PPP1R9A: variants seen among roughly 807,000 people sequenced by gnomAD.
PPP1R9A encodes the protein neurabin-1.
Under a neutral mutation model 141.9 loss-of-function variants are expected in PPP1R9A, and 59 were observed. The observed-to-expected ratio is 0.42, with a 90% confidence interval of 0.34 to 0.52. The LOEUF is 0.52. PPP1R9A is among the 20% of genes least tolerant of loss of function. The pLI is 0.10. For missense variants in PPP1R9A, 1,444 were observed against 1,611.9 expected (o/e 0.90, Z 1.78); for synonymous variants, 500 against 569.7 (o/e 0.88, Z 1.74).
chr7:94,961,913 T>C (rs1457413674), intron 2 of PPP1R9A, among the ~76,000 whole-genome samples: 1 of 151,952 alleles, frequency 6.6e-6, no homozygotes, highest in Non-Finnish European at 1.5e-5. Flanking sequence ...GACTATTTTA[T>C]AAATATTTCA....
intron 2 of PPP1R9A, among the ~76,000 whole-genome samples, chr7:94,942,846 TAAATAAATA>T (rs1191617953): frequency 1.4e-5 from 2 of 145,402 alleles, no homozygotes; most frequent in Admixed American, 1.4e-4. Context: ...AATAAATAAA[TAAATAAATA>T]AAAGTTTGCC....
chr7:95,082,725 G>A (rs892350779), intron 2 of PPP1R9A, among the ~76,000 whole-genome samples: 2 of 147,946 alleles, frequency 1.4e-5, no homozygotes, highest in African/African-American at 5.0e-5. Context: ...GGGTGATCCT[G>A]TCTCTTAAAA....
chr7:95,253,391 G>A (rs748302931), intron 12 of PPP1R9A, among the ~76,000 whole-genome samples: 2 of 152,114 alleles, frequency 1.3e-5, no homozygotes, highest in Admixed American at 6.6e-5. Flanking sequence ...TAAGCTCTTA[G>A]CCATTAAAAA....
chr7:95,170,709 A>G (rs1352974698), intron 5 of PPP1R9A, among the ~76,000 whole-genome samples: 3 of 151,610 alleles, frequency 2.0e-5, no homozygotes, highest in Non-Finnish European at 3.0e-5. Flanking sequence ...GAATACTATT[A>G]TAAGAAATGT....
intron 2 of PPP1R9A, among the ~76,000 whole-genome samples, chr7:95,101,060 G>A (rs1471892741): frequency 6.6e-6 from 1 of 151,650 alleles, no homozygotes; most frequent in East Asian, 1.9e-4. Flanking sequence ...CACCGTGTTA[G>A]CCAGGATGGT....
intron 2 of PPP1R9A, among the ~76,000 whole-genome samples, chr7:94,958,124 C>T (rs1315469965): frequency 1.3e-5 from 2 of 152,022 alleles, no homozygotes; most frequent in African/African-American, 4.8e-5. Flanking sequence ...TTGTTGGTCT[C>T]AGTAGATCCA....
intron 12 of PPP1R9A, among the ~76,000 whole-genome samples, chr7:95,254,707 G>A (rs1363789268): frequency 1.3e-5 from 2 of 152,138 alleles, no homozygotes; most frequent in African/African-American, 4.8e-5. Flanking sequence ...AAAAGGAAGG[G>A]AAGGCAAGCT....
intron 8 of PPP1R9A, among the ~76,000 whole-genome samples, chr7:95,231,944 A>G (rs2152966375): frequency 6.6e-6 from 1 of 152,274 alleles, no homozygotes. Flanking sequence ...GATAAATGAA[A>G]TAAAAAGCTG....
At chr7:95,159,419 A>G (rs1424740843) in intron 4 of PPP1R9A, among the ~76,000 whole-genome samples, 1 of 152,256 alleles carries the variant, frequency 6.6e-6, no homozygotes, top group East Asian at 1.9e-4. Context: ...TTTTATTATT[A>G]TTATTAGTAT....
At chr7:95,215,677 G>C (rs1005815856) in intron 7 of PPP1R9A, among the ~76,000 whole-genome samples, 6 of 152,208 alleles carry the variant, frequency 3.9e-5, no homozygotes, top group Non-Finnish European at 8.8e-5. Flanking sequence ...ACTGGCATGA[G>C]ATGGTATCTC....
intron 4 of PPP1R9A, among the ~76,000 whole-genome samples, chr7:95,152,032 A>G (rs978624416): frequency 2.3e-5 from 3 of 133,298 alleles, no homozygotes; most frequent in Non-Finnish European, 4.6e-5. Flanking sequence ...GCTCACTGCA[A>G]CCTCCACCTC....
chr7:95,283,057 T>C (rs192145161), intron 16 of PPP1R9A, among the ~76,000 whole-genome samples: 143 of 152,290 alleles, frequency 9.4e-4, no homozygotes, highest in Non-Finnish European at 1.5e-3. Flanking sequence ...TATCGTGGTA[T>C]CAGCAGCTAT....
rs189394420 is a variant in PPP1R9A at position 95,063,802 on chromosome 7, T to C, written c.1396-47457T>C. ...TGTGGGGATGTGTTTTCTAATGTAG[T>C]TGAGTCTGAGACGTATTCATAATGA... On this transcript the variant is annotated intron_variant, in intron 2 of 19. Coordinates refer to ENST00000433360, the MANE Select transcript of PPP1R9A (RefSeq NM_001166160.2). 1.1e-3 allele frequency among the ~76,000 whole-genome samples: 167 copies of C among 152,274 alleles called. 1 individual carries two copies. Among genetic ancestry groups the C allele is most frequent in the Non-Finnish European group, 1.8e-4 (12 of 68,026 alleles).
At chr7:94,992,453 A>G (rs1032959551) in intron 2 of PPP1R9A, among the ~76,000 whole-genome samples, 1 of 152,334 alleles carries the variant, frequency 6.6e-6, no homozygotes, top group Non-Finnish European at 1.5e-5. Context: ...GATGTATACA[A>G]ATTTTAATAT....
intron 12 of PPP1R9A, among the ~76,000 whole-genome samples, chr7:95,262,878 C>G (rs1800646089): frequency 6.6e-6 from 1 of 152,164 alleles, no homozygotes; most frequent in African/African-American, 2.4e-5. Context: ...CAATAATCTT[C>G]TGCTTGTTCT....
At chr7:95,273,466 G>T (rs189952372) in intron 14 of PPP1R9A, among the ~76,000 whole-genome samples, 3 of 152,320 alleles carry the variant, frequency 2.0e-5, no homozygotes, top group African/African-American at 4.8e-5. Context: ...GGGCTTTGGA[G>T]ATACGGGAGA....
chr7:95,225,976 A>G lies in PPP1R9A; in HGVS notation c.1972A>G (p.Thr658Ala). ...NYFLKTGEYA[T>A]DEEEDEVGPV... is the part of the protein sequence containing the mutation. ...TTCCTTTCAGACAGGAGAATATGCC[A>G]CAGATGAAGAAGAAGATGAGGTAGG... The change falls in exon 8 of 20, where the codon ACA becomes GCA. Residue 658 changes from threonine to alanine, a missense_variant. Around this residue, in one of 5 missense-constraint regions of PPP1R9A, gnomAD observed 488 missense variants for 542.0 expected, o/e 0.90. Coordinates refer to ENST00000433360, the MANE Select transcript of PPP1R9A (RefSeq NM_001166160.2). 6.2e-7 allele frequency: 1 copy of G among 1,607,616 alleles called. No homozygotes were observed. Among genetic ancestry groups the G allele is most frequent in the Non-Finnish European group, 8.5e-7 (1 of 1,174,888 alleles).
intron 2 of PPP1R9A, among the ~76,000 whole-genome samples, chr7:94,920,311 C>G (rs143787877): frequency 6.6e-6 from 1 of 151,860 alleles, no homozygotes; most frequent in South Asian, 2.1e-4. Context: ...GCTTCACTCA[C>G]TTTTGCTCTG....
Position 94,921,413 on chromosome 7 carries a change from C to CCGCAG in PPP1R9A, c.1395+9905_1395+9906insCGCAG, listed in dbSNP as rs1562994301. Among the ~76,000 whole-genome samples the CCGCAG allele has an allele frequency of 1.9e-3, 290 of 150,214 alleles. 2 individuals carry two copies. The highest frequency in any genetic ancestry group is 6.7e-3 in the African/African-American group (272 of 40,646). The stretch of plus-strand genomic sequence containing the variant: ...AGTGAGCTGAGAGGGCGCCACTGCA[C>CCGCAG]TCCAGCCTGGGCGACAGAGCTAGAC... On this transcript the variant is annotated intron_variant, in intron 2 of 19. Transcript: ENST00000433360.
Sources: allele counts gnomAD v4.1 joint callset (sites outside exome capture counted in the v4.1 genomes callset), GRCh38; gene constraint gnomAD v4.1.1; regional missense constraint gnomAD v4.1.1; transcripts MANE v1.5; gene names NCBI Gene and HGNC (gene_info 2026-07-23, HGNC 2026-07-21).